MLLT3: variants seen among roughly 807,000 people sequenced by gnomAD.
The protein encoded by MLLT3 is MLLT3 super elongation complex subunit.
In MLLT3, 4 loss-of-function variants were observed where a neutral mutation model predicts 53.2. The observed-to-expected ratio is 0.08, with a 90% CI of 0.04 to 0.17. The LOEUF (loss-of-function observed/expected upper bound fraction) is 0.17. Among genes scored for constraint, MLLT3 ranks in the 10% least tolerant of loss-of-function variants. MLLT3 has a pLI of 1.00. For missense variants in MLLT3, 569 were observed against 684.0 expected (o/e 0.83, Z 1.87); for synonymous variants, 283 against 230.6 (o/e 1.23, Z -2.06).
At chr9:20,597,607 T>C (rs1820308314) in intron 2 of MLLT3, among the ~76,000 whole-genome samples, 1 of 152,222 alleles carries the variant, frequency 6.6e-6, no homozygotes, top group South Asian at 2.1e-4. Context: ...CTTCCATAAC[T>C]CTTCTGAACA....
chr9:20,460,647 G>T (rs1824082696), intron 2 of MLLT3, among the ~76,000 whole-genome samples: 1 of 152,070 alleles, frequency 6.6e-6, no homozygotes, highest in African/African-American at 2.4e-5. Flanking sequence ...TCTTTGCAAG[G>T]CCTGACACTA....
intron 5 of MLLT3, among the ~76,000 whole-genome samples, chr9:20,394,014 C>T (rs1822257638): frequency 1.3e-5 from 2 of 152,008 alleles, no homozygotes; most frequent in Non-Finnish European, 2.9e-5. Flanking sequence ...TTTAATTATC[C>T]TTCACAACAA....
In MLLT3 at chr9:20,406,111, A is replaced by G. The variant is rs572201517; in HGVS notation, c.1125+7610T>C. On this transcript the variant is annotated intron_variant, in intron 5 of 10. Coordinates refer to ENST00000380338, the MANE Select transcript of MLLT3 (RefSeq NM_004529.4). ...TGGATAACAGAGTGAGACTCCACCT[A>G]AAACAAAAAAGAAAAAAAGAAAAAA... Among the ~76,000 whole-genome samples the G allele has an allele frequency of 9.2e-5, 14 of 152,094 alleles. No individual in the cohort carries two copies. In the South Asian group the frequency reaches 1.3e-3, roughly 14 times the overall value.
chr9:20,459,600 T>C (rs1383263113), intron 2 of MLLT3, among the ~76,000 whole-genome samples: 2 of 152,200 alleles, frequency 1.3e-5, no homozygotes, highest in African/African-American at 4.8e-5. Flanking sequence ...GCCAGAGAAG[T>C]TATACCTGAT....
At chr9:20,595,381 A>G (rs974412354) in intron 2 of MLLT3, among the ~76,000 whole-genome samples, 7 of 152,088 alleles carry the variant, frequency 4.6e-5, no homozygotes, top group African/African-American at 1.7e-4. Context: ...AAAAAACAAT[A>G]AAATAAAATA....
chr9:20,388,631 C>A (rs1292020044), intron 5 of MLLT3, among the ~76,000 whole-genome samples: 2 of 151,066 alleles, frequency 1.3e-5, no homozygotes, highest in Admixed American at 6.6e-5. Context: ...CATTAAAAAA[C>A]AATAATAAGG....
intron 5 of MLLT3, among the ~76,000 whole-genome samples, chr9:20,394,961 G>T (rs1200661490): frequency 3.9e-5 from 6 of 152,108 alleles, no homozygotes; most frequent in Admixed American, 3.3e-4. Context: ...GGTGACCCAT[G>T]TGAGAGAAGA....
chr9:20,420,499 G>C (rs1004273050), intron 4 of MLLT3, among the ~76,000 whole-genome samples: 1 of 151,992 alleles, frequency 6.6e-6, no homozygotes, highest in Non-Finnish European at 1.5e-5. Context: ...TACCAAATAG[G>C]ATAAAAAATG....
At chr9:20,559,577 G>T (rs1488392219) in intron 2 of MLLT3, among the ~76,000 whole-genome samples, 1 of 152,186 alleles carries the variant, frequency 6.6e-6, no homozygotes, top group Non-Finnish European at 1.5e-5. Flanking sequence ...CCTTTTGCAG[G>T]GGTAGGCAGA....
chr9:20,579,119 G>C (rs1034061177), intron 2 of MLLT3, among the ~76,000 whole-genome samples: 1 of 152,158 alleles, frequency 6.6e-6, no homozygotes, highest in Non-Finnish European at 1.5e-5. Flanking sequence ...CGCAGCTCCT[G>C]TAATCCCAGG....
At chr9:20,606,467 C>G (rs1408487288) in intron 2 of MLLT3, among the ~76,000 whole-genome samples, 4 of 152,018 alleles carry the variant, frequency 2.6e-5, no homozygotes, top group Non-Finnish European at 2.9e-5. Flanking sequence ...GTAATAAGTG[C>G]TCAATTTCAG....
At chr9:20,416,139 C>T (rs1218346847) in intron 4 of MLLT3, among the ~76,000 whole-genome samples, 2 of 151,754 alleles carry the variant, frequency 1.3e-5, no homozygotes, top group African/African-American at 4.8e-5. Context: ...TTAAGCAATA[C>T]TATGAATAAT....
At chr9:20,491,114 C>T (rs984122197) in intron 2 of MLLT3, among the ~76,000 whole-genome samples, 5 of 151,950 alleles carry the variant, frequency 3.3e-5, no homozygotes, top group African/African-American at 7.3e-5. Context: ...TATCATATAA[C>T]GTCCTTAAGT....
intron 5 of MLLT3, among the ~76,000 whole-genome samples, chr9:20,366,065 T>C (rs1821441999): frequency 1.3e-5 from 2 of 152,220 alleles, no homozygotes; most frequent in Non-Finnish European, 2.9e-5. Flanking sequence ...ACTTCTTTAT[T>C]ATACTTTAAG....
At chr9:20,575,556 C>A (rs1319381052) in intron 2 of MLLT3, among the ~76,000 whole-genome samples, 2 of 152,164 alleles carry the variant, frequency 1.3e-5, no homozygotes, top group African/African-American at 4.8e-5. Context: ...CCACAGACTG[C>A]AGAATAGATG....
At chr9:20,438,680 C>CT (rs1309442216) in intron 4 of MLLT3, among the ~76,000 whole-genome samples, 1 of 152,106 alleles carries the variant, frequency 6.6e-6, no homozygotes, top group African/African-American at 2.4e-5. Context: ...AGTGATCCTC[C>CT]TGCCCCAGTC....
chr9:20,537,629 G>T lies in MLLT3; in HGVS notation c.194-80843C>A, dbSNP rs569348382. 9.9e-5 allele frequency among the ~76,000 whole-genome samples: 15 copies of T among 152,182 alleles called. No individual in the cohort carries two copies. In the East Asian group the frequency reaches 1.7e-3, roughly 18 times the overall value. ...TGGTTCCAATGTGAATTTTCACATG[G>T]TTATTTTCAAATATTTGGACTAATT... On this transcript the variant is annotated intron_variant, in intron 2 of 10. Transcript: ENST00000380338.
chr9:20,421,677 T>C (rs1025931703), intron 4 of MLLT3, among the ~76,000 whole-genome samples: 1 of 152,210 alleles, frequency 6.6e-6, no homozygotes, highest in Admixed American at 6.5e-5. Flanking sequence ...AATCTACTTC[T>C]CTACATTAAC....
intron 10 of MLLT3, among the ~76,000 whole-genome samples, chr9:20,352,852 C>G (rs375770537): frequency 6.6e-6 from 1 of 151,140 alleles, no homozygotes; most frequent in African/African-American, 2.4e-5. Context: ...TTAGAACACA[C>G]ATTCTTCTCT....
Sources: allele counts gnomAD v4.1 joint callset (sites outside exome capture counted in the v4.1 genomes callset), GRCh38; gene constraint gnomAD v4.1.1; transcripts MANE v1.5; gene names NCBI Gene and HGNC (gene_info 2026-07-23, HGNC 2026-07-21).